Variants in CPNE2 observed in about 807,000 individuals in gnomAD.
CPNE2 encodes copine 2, also known as copine-2.
A neutral mutation model predicts 69.7 loss-of-function variants in CPNE2; 42 were observed. That is an observed-to-expected ratio of 0.60 (90% CI 0.47 to 0.78). The LOEUF (loss-of-function observed/expected upper bound fraction) is 0.78, where lower values mean the gene tolerates loss of function less well. CPNE2 is among the 30% of genes least tolerant of loss of function. The probability of loss-of-function intolerance (pLI) is 0.00; values close to 1 mark genes in which losing one functional copy is unlikely to be tolerated. For synonymous variants in CPNE2, 294 were observed against 289.8 expected, an observed-to-expected ratio of 1.01 and a Z score of -0.15; for missense variants, 587 against 732.0, an observed-to-expected ratio of 0.80 and a Z score of 2.29.
chr16:57,095,879 T>C (rs1448104398), intron 1 of CPNE2, among the ~76,000 whole-genome samples: 2 of 152,236 alleles, frequency 1.3e-5, no homozygotes, highest in Non-Finnish European at 2.9e-5. Flanking sequence ...TGTATTTTTC[T>C]TGGGGCATTT....
chr16:57,110,751 C>T lies in CPNE2; in HGVS notation c.9C>T (p.His3=). 2 of 1,611,020 alleles carry T rather than the reference C, an allele frequency of 1.2e-6. No individual in the cohort carries two copies. The highest frequency in any genetic ancestry group is 2.2e-5 in the South Asian group (2 of 90,780). The change falls in exon 2 of 16, where the codon CAC becomes CAT. Residue 3 remains histidine (H), a synonymous_variant. Coordinates refer to ENST00000290776, the MANE Select transcript of CPNE2 (RefSeq NM_152727.6). The part of the protein sequence containing the change: MA[H]IPSGGAPAAG... ...CACCGCCACCGGCTCCCATGGCCCA[C>T]ATACCCAGTGGGGGTGCCCCAGCAG...
In CPNE2 at chr16:57,147,770, AT is replaced by A. The variant is rs1399413092; in HGVS notation, c.*118del. The A allele has an allele frequency of 1.6e-6, 1 of 615,216 alleles. No homozygotes were observed. Among genetic ancestry groups the A allele is most frequent in the Non-Finnish European group, 2.5e-6 (1 of 398,064 alleles). 38.1% of individuals were successfully genotyped at this position (615,216 alleles called of 1,614,324 possible). ...CCTTTTTTTACCGATCCCCTTTTTT[AT>A]TTTTTACAACCGGACCTCCACCCCC... On this transcript the variant is annotated 3_prime_UTR_variant, in exon 16 of 16. Coordinates refer to ENST00000290776, the MANE Select transcript of CPNE2 (RefSeq NM_152727.6).
chr16:57,129,353 A>G (rs1203387621), intron 12 of CPNE2, among the ~76,000 whole-genome samples: 1 of 152,102 alleles, frequency 6.6e-6, no homozygotes, highest in African/African-American at 2.4e-5. Context: ...AAGGCAAGGA[A>G]ACTCAGGGCA....
chr16:57,134,768 G>T lies in CPNE2; in HGVS notation c.1117-7G>T, dbSNP rs375154295. On this transcript the variant is annotated splice_region_variant and splice_polypyrimidine_tract_variant and intron_variant, in intron 12 of 15. Coordinates refer to ENST00000290776, the MANE Select transcript of CPNE2 (RefSeq NM_152727.6). Reference sequence around the variant, plus strand: ...GGCTGCAGCTCAGCGTTTTCTCTGCGTTTCAGGTCTCCCATGAGTTTGCCA... The same window carrying T: ...GGCTGCAGCTCAGCGTTTTCTCTGCTTTTCAGGTCTCCCATGAGTTTGCCA... 1.2e-6 allele frequency: 2 copies of T among 1,613,910 alleles called. No individual in the cohort carries two copies. The highest frequency in any genetic ancestry group is 2.7e-5 in the African/African-American group (2 of 74,996).
intron 4 of CPNE2, among the ~76,000 whole-genome samples, 155 bp from the exon 5 acceptor site, chr16:57,117,341 T>A (rs968490860): frequency 1.2e-4 from 18 of 152,058 alleles, no homozygotes; most frequent in Admixed American, 2.6e-4. Context: ...GAAACTGAGG[T>A]GTGGGGAAGA....
chr16:57,134,921 T>C (rs2069867458), intron 13 of CPNE2, 95 bp downstream of exon 13: 20 of 1,309,588 alleles, frequency 1.5e-5, no homozygotes, highest in Non-Finnish European at 1.5e-5. Context: ...TTTTCATTTC[T>C]TTCTCCTTTC....
chr16:57,117,729 C>A (rs2069730387), intron 5 of CPNE2, among the ~76,000 whole-genome samples, 162 bp downstream of exon 5: 1 of 152,202 alleles, frequency 6.6e-6, no homozygotes, highest in Admixed American at 6.5e-5. Context: ...GACTCCTTCA[C>A]CTCTGAGGTA....
chr16:57,124,850 T>G (rs1323377544), intron 10 of CPNE2: 1 of 220,962 alleles, frequency 4.5e-6, no homozygotes. Context: ...CACTGCCCCC[T>G]CCCCTGCACA....
intron 12 of CPNE2, among the ~76,000 whole-genome samples, chr16:57,128,546 G>A (rs990966104): frequency 6.6e-6 from 1 of 152,186 alleles, no homozygotes; most frequent in Non-Finnish European, 1.5e-5. Context: ...AATTTTTAAA[G>A]TATAAGTATG....
At chr16:57,100,307 G>A (rs1217151911) in intron 1 of CPNE2, among the ~76,000 whole-genome samples, 1 of 152,178 alleles carries the variant, frequency 6.6e-6, no homozygotes, top group African/African-American at 2.4e-5. Flanking sequence ...AATTAGGGAG[G>A]CACGAAAAAT....
intron 9 of CPNE2, among the ~76,000 whole-genome samples, chr16:57,122,511 C>G (rs1332863189): frequency 6.6e-6 from 1 of 152,204 alleles, no homozygotes; most frequent in African/African-American, 2.4e-5. Flanking sequence ...TCTGAAGTTT[C>G]CATCATTCAC....
intron 1 of CPNE2, among the ~76,000 whole-genome samples, chr16:57,102,427 C>A (rs2069620456): frequency 6.6e-6 from 1 of 152,072 alleles, no homozygotes; most frequent in Non-Finnish European, 1.5e-5. Context: ...AGCCACAGCA[C>A]CCAGGAGTGG....
In CPNE2 at chr16:57,146,502, G is replaced by C. The variant is rs1364022995; in HGVS notation, c.1539+181G>C. ...CGTGCCAGGCCTTGCCCCGGTGGTG[G>C]CCATTGTGATAGTGTGAGCACTTGC... On this transcript the variant is annotated intron_variant, in intron 15 of 15. Coordinates refer to ENST00000290776, the MANE Select transcript of CPNE2 (RefSeq NM_152727.6). This position sits in a 1 kb window ranked among gnomAD's most constrained non-coding sequence, Gnocchi z 4.4. 4.9e-5 allele frequency: 30 copies of C among 610,272 alleles called. No individual in the cohort carries two copies. The highest frequency in any genetic ancestry group is 6.2e-4 in the Middle Eastern group (2 of 3,238). The allele number at this position is 610,272 out of a possible 1,614,324, so 37.8% of individuals were successfully genotyped here.
At chr16:57,142,863 A>C (rs1436515358) in intron 14 of CPNE2, 1 of 152,222 alleles carries the variant, frequency 6.6e-6, no homozygotes, top group African/African-American at 2.4e-5. Flanking sequence ...TTATAAATCA[A>C]ATCAAACGTT....
At position 57,121,686 on chromosome 16, in the gene CPNE2, T is replaced by G; in HGVS notation, c.793T>G (p.Cys265Gly). 6.2e-7 allele frequency: 1 copy of G among 1,613,768 alleles called. No homozygotes were observed. Among genetic ancestry groups the G allele is most frequent in the Non-Finnish European group, 8.5e-7 (1 of 1,179,960 alleles). Residue 265 changes from cysteine to glycine, a missense_variant, in exon 9 of 16, where the codon TGC becomes GGC. Coordinates refer to ENST00000290776, the MANE Select transcript of CPNE2 (RefSeq NM_152727.6). The part of the protein sequence containing the change: ...ARDSVPLEFE[C>G]INPKKQRKKK... ...TTGCGTTGCCCAGCTGGAGTTCGAG[T>G]GCATCAACCCCAAGAAGCAGAGGAA...
At chr16:57,096,149 A>G (rs1432226189) in intron 1 of CPNE2, among the ~76,000 whole-genome samples, 1 of 152,224 alleles carries the variant, frequency 6.6e-6, no homozygotes, top group Non-Finnish European at 1.5e-5. Context: ...TGGGAGAATT[A>G]CGAGCTTGCC....
At chr16:57,111,189 T>C (rs2145246252) in intron 2 of CPNE2, among the ~76,000 whole-genome samples, 1 of 151,748 alleles carries the variant, frequency 6.6e-6, no homozygotes, top group Middle Eastern at 3.4e-3. Flanking sequence ...TATCTTTTTT[T>C]TTTTTTTGAG....
Position 57,146,367 on chromosome 16 carries a change from C to A in CPNE2, c.1539+46C>A, listed in dbSNP as rs1307522839. Reference sequence around the variant, plus strand: ...GGAGGGGGCGGTTACAGGATCCCAGCCACCATAGCTCATAATCAAGCTTGA... The same window carrying A: ...GGAGGGGGCGGTTACAGGATCCCAGACACCATAGCTCATAATCAAGCTTGA... On this transcript the variant is annotated intron_variant, in intron 15 of 15. Coordinates refer to ENST00000290776, the MANE Select transcript of CPNE2 (RefSeq NM_152727.6). The surrounding 1 kb of genome is among the most constrained non-coding windows in gnomAD (Gnocchi z 4.4). 29 of 1,442,646 alleles carry A rather than the reference C, an allele frequency of 2.0e-5. No individual in the cohort carries two copies. The highest frequency in any genetic ancestry group is 2.6e-5 in the Non-Finnish European group (28 of 1,060,516). The allele number at this position is 1,442,646 out of a possible 1,614,324, so 89.4% of individuals were successfully genotyped here.
intron 15 of CPNE2, chr16:57,147,278 G>A (rs1312278536): frequency 1.2e-5 from 4 of 347,706 alleles, no homozygotes; most frequent in Middle Eastern, 7.4e-4. Context: ...CCCGCAGACG[G>A]AGTCATCCTA....
Sources: gnomAD v4.1 joint callset for allele counts (sites outside exome capture counted in the v4.1 genomes callset) on GRCh38, gnomAD v4.1.1 for gene constraint, Gnocchi (gnomAD v3.1) non-coding constraint, MANE v1.5 for transcripts, NCBI Gene and HGNC (gene_info 2026-07-23, HGNC 2026-07-21) for gene names.